The following TENM2 variants were observed in gnomAD, a reference collection of about 807,000 sequenced individuals.
The protein encoded by TENM2 is teneurin-2.
TENM2 carries 52 observed loss-of-function variants against 245.2 expected under a neutral mutation model. The ratio of observed to expected loss-of-function variants is 0.21; its 90% confidence interval spans 0.17 to 0.27. TENM2 has a LOEUF of 0.27. Among genes scored for constraint, TENM2 ranks in the 10% least tolerant of loss-of-function variants. The pLI is 1.00. For missense variants in TENM2, 3,046 were observed against 3,666.8 expected (o/e 0.83, Z 4.37); for synonymous variants, 1,363 against 1,438.9 (o/e 0.95, Z 1.19).
intron 2 of TENM2, among the ~76,000 whole-genome samples, chr5:167,563,714 G>A (rs555766069): frequency 5.3e-5 from 8 of 152,220 alleles, no homozygotes; most frequent in African/African-American, 9.6e-5. Context: ...TAGTGTAACC[G>A]TTTTTATCTT....
At chr5:167,583,950 C>T (rs1225976179) in intron 2 of TENM2, among the ~76,000 whole-genome samples, 1 of 152,156 alleles carries the variant, frequency 6.6e-6, no homozygotes, top group African/African-American at 2.4e-5. Flanking sequence ...TAAATGTCAC[C>T]TCCTCCAAGA....
At chr5:167,410,592 C>T (rs1189067835) in intron 2 of TENM2, among the ~76,000 whole-genome samples, 2 of 151,886 alleles carry the variant, frequency 1.3e-5, no homozygotes, top group African/African-American at 4.8e-5. Context: ...CTCTGATTTG[C>T]CAGATATTCT....
the TENM2 span, among the ~76,000 whole-genome samples, chr5:167,261,165 T>C: frequency 6.6e-6 from 1 of 152,250 alleles, no homozygotes; most frequent in East Asian, 1.9e-4. Context: ...CAGTCTACTT[T>C]AACACAATCC....
chr5:167,173,361 G>C, the TENM2 span, among the ~76,000 whole-genome samples: 3 of 152,122 alleles, frequency 2.0e-5, no homozygotes, highest in Admixed American at 1.3e-4. Context: ...ACTCATTCAA[G>C]CTCTTCCTTT....
chr5:167,717,054 TC>T (rs1317990575), intron 2 of TENM2, among the ~76,000 whole-genome samples: 1 of 151,968 alleles, frequency 6.6e-6, no homozygotes, highest in African/African-American at 2.4e-5. Flanking sequence ...AACCTTCACC[TC>T]CTGTATCCAA....
the TENM2 span, among the ~76,000 whole-genome samples, chr5:167,070,337 G>A: frequency 1.8e-3 from 250 of 138,474 alleles, no homozygotes; most frequent in Middle Eastern, 4.1e-3. Flanking sequence ...CATCGTGTTA[G>A]CCAGGATGGT....
the TENM2 span, among the ~76,000 whole-genome samples, chr5:167,207,339 TA>T: frequency 6.6e-6 from 1 of 152,320 alleles, no homozygotes; most frequent in Non-Finnish European, 1.5e-5. Flanking sequence ...CGCATGAGTA[TA>T]GTCACTGAGT....
Position 167,827,632 on chromosome 5 carries a change from G to GGC in TENM2, c.503-48353_503-48352insCG, listed in dbSNP as rs527669382. Among the ~76,000 whole-genome samples, 252 of 123,120 alleles carry GGC rather than the reference G, an allele frequency of 2.0e-3. 18 individuals are homozygous for GGC. The highest frequency in any genetic ancestry group is 3.0e-3 in the Admixed American group (37 of 12,300). 80.8% of individuals were successfully genotyped at this position (123,120 alleles called of 152,430 possible). A position where few individuals can be genotyped will look rare whatever the true frequency, so the allele number is the denominator to read the frequency against. ...TATGGCAAGGAGCTAGGTGGGCGGGGGGGGGGGAACAGTTTAATGAGCGTG... is the reference window on the plus strand; with the variant it reads ...TATGGCAAGGAGCTAGGTGGGCGGGGGCGGGGGGGAACAGTTTAATGAGCGTG... On this transcript the variant is annotated intron_variant, in intron 2 of 28. Transcript: ENST00000518659.
chr5:167,293,026 G>C (rs898590600), intron 1 of TENM2, among the ~76,000 whole-genome samples: 1 of 152,224 alleles, frequency 6.6e-6, no homozygotes, highest in Admixed American at 6.5e-5. Context: ...GTGGCAGAGA[G>C]AGACAGTCAT....
At chr5:167,633,117 A>T (rs1423784482) in intron 2 of TENM2, among the ~76,000 whole-genome samples, 1 of 152,148 alleles carries the variant, frequency 6.6e-6, no homozygotes, top group Non-Finnish European at 1.5e-5. Context: ...CTATATGGAG[A>T]TGTCTGGGAG....
chr5:167,612,668 G>A (rs1777552433), intron 2 of TENM2, among the ~76,000 whole-genome samples: 2 of 152,066 alleles, frequency 1.3e-5, no homozygotes, highest in Non-Finnish European at 2.9e-5. Flanking sequence ...AATTGGATTT[G>A]ACAAACTGTT....
chr5:167,081,335 G>T, the TENM2 span, among the ~76,000 whole-genome samples: 3 of 151,778 alleles, frequency 2.0e-5, no homozygotes, highest in Non-Finnish European at 4.4e-5. Context: ...AACCTTTCTC[G>T]TTTCATACCA....
chr5:167,235,461 G>A, the TENM2 span, among the ~76,000 whole-genome samples: 16 of 151,952 alleles, frequency 1.1e-4, no homozygotes, highest in Admixed American at 5.9e-4. Context: ...AACAGAAAAC[G>A]ATTCAATCTG....
chr5:167,735,382 G>T (rs2150571615), intron 2 of TENM2, among the ~76,000 whole-genome samples: 1 of 152,318 alleles, frequency 6.6e-6, no homozygotes, highest in East Asian at 1.9e-4. Context: ...CAGAAAGTTT[G>T]CTTTGTGTTA....
At chr5:167,006,628 A>G in the TENM2 span, among the ~76,000 whole-genome samples, 1 of 151,982 alleles carries the variant, frequency 6.6e-6, no homozygotes, top group Non-Finnish European at 1.5e-5. Context: ...AGAATCATTT[A>G]TATATTCAGA....
intron 4 of TENM2, among the ~76,000 whole-genome samples, chr5:167,974,862 T>C (rs1782318453): frequency 6.6e-6 from 1 of 152,160 alleles, no homozygotes; most frequent in South Asian, 2.1e-4. Flanking sequence ...TCTCTATCAC[T>C]TCTCTTCCCC....
At chr5:167,656,943 C>A (rs1304361520) in intron 2 of TENM2, among the ~76,000 whole-genome samples, 1 of 142,436 alleles carries the variant, frequency 7.0e-6, no homozygotes, top group East Asian at 2.0e-4. Context: ...AAAGATTTAT[C>A]TTTTTTTTTT....
At chr5:167,735,384 T>C (rs998591233) in intron 2 of TENM2, among the ~76,000 whole-genome samples, 9 of 152,238 alleles carry the variant, frequency 5.9e-5, no homozygotes, top group African/African-American at 2.2e-4. Context: ...GAAAGTTTGC[T>C]TTGTGTTAGT....
At chr5:167,018,047 C>T in the TENM2 span, among the ~76,000 whole-genome samples, 1 of 152,080 alleles carries the variant, frequency 6.6e-6, no homozygotes, top group Non-Finnish European at 1.5e-5. Flanking sequence ...ATTGAATAGT[C>T]CTTTAGGATT....
Sources: allele counts gnomAD v4.1 joint callset (sites outside exome capture counted in the v4.1 genomes callset), GRCh38; gene constraint gnomAD v4.1.1; transcripts MANE v1.5; gene names NCBI Gene and HGNC (gene_info 2026-07-23, HGNC 2026-07-21).